Variants in TMEM245 observed in about 807,000 individuals in gnomAD.
TMEM245 encodes transmembrane protein 245, also known as protein CG-2.
A neutral mutation model predicts 101.2 loss-of-function variants in TMEM245; 69 were observed. The observed-to-expected ratio is 0.68, with a 90% CI of 0.56 to 0.83. The LOEUF is 0.83. TMEM245 is among the 40% of genes least tolerant of loss of function. The pLI is 0.00. For missense variants in TMEM245, 1,075 were observed against 1,092.8 expected, an observed-to-expected ratio of 0.98 and a Z score of 0.23; for synonymous variants, 537 against 449.8, an observed-to-expected ratio of 1.19 and a Z score of -2.45.
At chr9:109,037,976 C>T in intron 15 of TMEM245, 41 bp downstream of exon 15, 1 of 1,481,364 alleles carries the variant, frequency 6.8e-7, no homozygotes, top group Middle Eastern at 1.8e-4. Context: ...GCTTAACTTT[C>T]CTTAAATAGC....
At chr9:109,092,303 C>G (rs1359287145) in intron 4 of TMEM245, among the ~76,000 whole-genome samples, 1 of 131,498 alleles carries the variant, frequency 7.6e-6, no homozygotes, top group Non-Finnish European at 1.6e-5. Context: ...AGTAGCCCAC[C>G]AAGTGCTGTA....
intron 3 of TMEM245, among the ~76,000 whole-genome samples, chr9:109,101,009 G>A (rs1403909048): frequency 6.6e-6 from 1 of 152,148 alleles, no homozygotes; most frequent in African/African-American, 2.4e-5. Flanking sequence ...AGAGTTTTCT[G>A]AGGCGGAGGT....
At chr9:109,102,652 T>C (rs1455064168) in intron 3 of TMEM245, among the ~76,000 whole-genome samples, 1 of 152,254 alleles carries the variant, frequency 6.6e-6, no homozygotes, top group African/African-American at 2.4e-5. Flanking sequence ...AAAACAACTA[T>C]TAGTTAACAT....
At chr9:109,034,835 C>T (rs1761975676) in intron 16 of TMEM245, among the ~76,000 whole-genome samples, 1 of 151,976 alleles carries the variant, frequency 6.6e-6, no homozygotes, top group Non-Finnish European at 1.5e-5. Flanking sequence ...TATGCCAAAC[C>T]TTTCATTTCC....
At chr9:109,074,490 G>T (rs1027547893) in intron 8 of TMEM245, among the ~76,000 whole-genome samples, 1 of 152,112 alleles carries the variant, frequency 6.6e-6, no homozygotes, top group Non-Finnish European at 1.5e-5. Flanking sequence ...AAGCCACATC[G>T]TTATCCTTTT....
chr9:109,088,589 G>A (rs1311812865), intron 5 of TMEM245, among the ~76,000 whole-genome samples: 1 of 151,942 alleles, frequency 6.6e-6, no homozygotes, highest in Non-Finnish European at 1.5e-5. Context: ...CCAGGCCGAG[G>A]CGGGCGGATC....
chr9:109,064,587 A>G lies in TMEM245; in HGVS notation c.1533-20T>C. 1 of 1,606,266 alleles carries G rather than the reference A, an allele frequency of 6.2e-7. No individual in the cohort carries two copies. Among genetic ancestry groups the G allele is most frequent in the Non-Finnish European group, 8.5e-7 (1 of 1,175,448 alleles). On this transcript the variant is annotated intron_variant, in intron 9 of 17. Coordinates refer to ENST00000374586, the MANE Select transcript of TMEM245 (RefSeq NM_032012.4). ...AGCCAACTAATGTAAAACAAAGAAA[A>G]AAATGAAAAAAGTACACTTTCTGTG...
chr9:109,033,568 A>C (rs1257319527), intron 16 of TMEM245, 67 bp from the exon 17 acceptor site: 3 of 1,461,642 alleles, frequency 2.1e-6, no homozygotes, highest in African/African-American at 2.8e-5. Flanking sequence ...TTTCTAATAC[A>C]ATGTGCATTC....
chr9:109,118,276 C>T (rs1305938311), intron 1 of TMEM245, among the ~76,000 whole-genome samples: 7 of 152,164 alleles, frequency 4.6e-5, no homozygotes, highest in Admixed American at 4.6e-4. Context: ...TGCCAATAAC[C>T]TCAGGCAAGC....
chr9:109,065,310 T>C (rs1431684852), intron 9 of TMEM245, among the ~76,000 whole-genome samples: 1 of 152,152 alleles, frequency 6.6e-6, no homozygotes, highest in Non-Finnish European at 1.5e-5. Flanking sequence ...AATGAAAAAT[T>C]GGGGGCCCAA....
chr9:109,119,472 G>C lies in TMEM245; in HGVS notation c.442C>G (p.Leu148Val), dbSNP rs1234571501. 1 of 1,485,266 alleles carries C rather than the reference G, an allele frequency of 6.7e-7. No homozygotes were observed. Among genetic ancestry groups the C allele is most frequent in the East Asian group, 2.7e-5 (1 of 37,048 alleles). 92.0% of individuals were successfully genotyped at this position (1,485,266 alleles called of 1,614,324 possible). A position where few individuals can be genotyped will look rare whatever the true frequency, so the allele number is the denominator to read the frequency against. Residue 148 changes from leucine to valine, a missense_variant, in exon 1 of 18, where the codon CTG becomes GTG. Leu to Val is a conservative substitution (Grantham distance 32). Coordinates refer to ENST00000374586, the MANE Select transcript of TMEM245 (RefSeq NM_032012.4). Reference protein sequence around the residue: ...LGEQALRRRRLLLLLGAGGPL... With the variant: ...LGEQALRRRRVLLLLGAGGPL... The stretch of plus-strand genomic sequence containing the variant: ...CCGCCGGCGCCGAGCAGCAGGAGCA[G>C]GCGGCGGCGGCGCAGCGCCTGCTCG...
At chr9:109,096,016 G>C (rs552633617) in intron 3 of TMEM245, among the ~76,000 whole-genome samples, 3 of 152,308 alleles carry the variant, frequency 2.0e-5, no homozygotes, top group Non-Finnish European at 4.4e-5. Context: ...CTGTGTTAAA[G>C]AGACGTAGAA....
At chr9:109,111,267 T>C (rs1830559594) in intron 1 of TMEM245, among the ~76,000 whole-genome samples, 2 of 152,130 alleles carry the variant, frequency 1.3e-5, no homozygotes, top group South Asian at 4.1e-4. Context: ...ACTATAGCTA[T>C]CTACAAATGG....
At chr9:109,057,354 C>T in intron 11 of TMEM245, 32 bp from the exon 12 acceptor site, 1 of 1,596,696 alleles carries the variant, frequency 6.3e-7, no homozygotes, top group Non-Finnish European at 8.6e-7. Context: ...ACATGAAATT[C>T]CCATCTTAAT....
At chr9:109,066,447 T>C (rs895380321) in intron 9 of TMEM245, among the ~76,000 whole-genome samples, 1 of 54,976 alleles carries the variant, frequency 1.8e-5, no homozygotes, top group Non-Finnish European at 2.9e-5. Context: ...AGAGCAAGAC[T>C]GTCTCAAAAA....
chr9:109,066,452 C>CAAAAA (rs386415818), intron 9 of TMEM245, among the ~76,000 whole-genome samples: 1,713 of 52,416 alleles, frequency 0.033, 168 homozygotes, highest in African/African-American at 0.079. Flanking sequence ...AAGACTGTCT[C>CAAAAA]AAAAAAAAAA....
At chr9:109,037,540 A>C (rs1828168688) in intron 15 of TMEM245, among the ~76,000 whole-genome samples, 1 of 152,012 alleles carries the variant, frequency 6.6e-6, no homozygotes, top group Admixed American at 6.6e-5. Flanking sequence ...TGAATGAATG[A>C]GTTATCGTGA....
intron 10 of TMEM245, among the ~76,000 whole-genome samples, chr9:109,060,699 T>C (rs968101221): frequency 3.9e-5 from 6 of 152,200 alleles, no homozygotes; most frequent in Non-Finnish European, 7.3e-5. Flanking sequence ...CCTCACGCTA[T>C]CAGAGAATGG....
intron 1 of TMEM245, among the ~76,000 whole-genome samples, chr9:109,112,712 G>T (rs1468638403): frequency 6.6e-6 from 1 of 152,164 alleles, no homozygotes; most frequent in African/African-American, 2.4e-5. Context: ...CATGGACAAA[G>T]AAATGAATTT....
Sources: gnomAD v4.1 joint callset for allele counts (sites outside exome capture counted in the v4.1 genomes callset) on GRCh38, gnomAD v4.1.1 for gene constraint, MANE v1.5 for transcripts, NCBI Gene and HGNC (gene_info 2026-07-23, HGNC 2026-07-21) for gene names.